ADCY3: variants seen among roughly 807,000 people sequenced by gnomAD.
ADCY3 encodes the protein adenylate cyclase type 3.
In ADCY3, 70 loss-of-function variants were observed where a neutral mutation model predicts 119.4. The ratio of observed to expected loss-of-function variants is 0.59; its 90% CI spans 0.48 to 0.72. ADCY3 has a LOEUF of 0.72. Among genes scored for constraint, ADCY3 ranks in the 30% least tolerant of loss-of-function variants. ADCY3 has a pLI of 0.00. For synonymous variants in ADCY3, 672 were observed against 621.4 expected (o/e 1.08, Z -1.21); for missense variants, 1,238 against 1,541.6 (o/e 0.80, Z 3.30).
chr2:24,881,719 T>A (rs1346427873), intron 2 of ADCY3, among the ~76,000 whole-genome samples: 1 of 152,208 alleles, frequency 6.6e-6, no homozygotes, highest in South Asian at 2.1e-4. Context: ...TCCACTGAAG[T>A]GTTCCCCCTT....
At chr2:24,915,270 G>C (rs1445983083) in intron 2 of ADCY3, among the ~76,000 whole-genome samples, 1 of 152,222 alleles carries the variant, frequency 6.6e-6, no homozygotes, top group Non-Finnish European at 1.5e-5. Flanking sequence ...GGATGGGAGA[G>C]AGAAAGACAA....
At chr2:24,855,191 C>A (rs1379773528) in intron 3 of ADCY3, among the ~76,000 whole-genome samples, 1 of 74,524 alleles carries the variant, frequency 1.3e-5, no homozygotes, top group Non-Finnish European at 2.8e-5. Context: ...AGCCCCAGGT[C>A]CCCCCCACCC....
chr2:24,842,823 AG>A lies in ADCY3; in HGVS notation c.826-440del, dbSNP rs1432463644. ...CCTGATCAAAGACTGACAGCAGACC[AG>A]GCACTACACGAGGCGCCAGCGACAC... On this transcript the variant is annotated intron_variant, in intron 3 of 21. Coordinates refer to ENST00000679454, the MANE Select transcript of ADCY3 (RefSeq NM_004036.5). The surrounding 1 kb of genome is among the most constrained non-coding windows in gnomAD (Gnocchi z 4.9). 2.0e-5 allele frequency among the ~76,000 whole-genome samples: 3 copies of A among 152,238 alleles called. No individual in the cohort carries two copies. The highest frequency in any genetic ancestry group is 2.0e-4 in the Admixed American group (3 of 15,288).
At chr2:24,904,961 C>A (rs1303769413) in intron 2 of ADCY3, among the ~76,000 whole-genome samples, 4 of 151,866 alleles carry the variant, frequency 2.6e-5, no homozygotes, top group African/African-American at 9.7e-5. Context: ...ATTTTGCCTC[C>A]TATGCGCCAT....
chr2:24,906,871 C>T (rs1371944102), intron 2 of ADCY3, among the ~76,000 whole-genome samples: 2 of 152,158 alleles, frequency 1.3e-5, no homozygotes, highest in Non-Finnish European at 2.9e-5. Flanking sequence ...TGGCTCACGC[C>T]TATAATCTCA....
intron 16 of ADCY3, among the ~76,000 whole-genome samples, chr2:24,825,013 A>T (rs1196904910): frequency 2.0e-5 from 3 of 152,202 alleles, no homozygotes; most frequent in Non-Finnish European, 4.4e-5. Flanking sequence ...AAGGCCACCC[A>T]ATAGTGGTGC....
chr2:24,908,510 T>C (rs1041154717), intron 2 of ADCY3, among the ~76,000 whole-genome samples: 1 of 152,226 alleles, frequency 6.6e-6, no homozygotes, highest in Non-Finnish European at 1.5e-5. Flanking sequence ...AAACTTGGTC[T>C]GATTCATTCA....
In ADCY3 at chr2:24,819,628, C is replaced by A; in HGVS notation, c.*304G>T. Reference sequence around the variant, plus strand: ...CAAAGGCAGCTTTGTCCCAGCTCTGCCACCCTCCTGCTCACAGTGGTCAGG... The same window carrying A: ...CAAAGGCAGCTTTGTCCCAGCTCTGACACCCTCCTGCTCACAGTGGTCAGG... On this transcript the variant is annotated 3_prime_UTR_variant, in exon 22 of 22. Coordinates refer to ENST00000679454, the MANE Select transcript of ADCY3 (RefSeq NM_004036.5). 1 of 257,214 alleles carries A rather than the reference C, an allele frequency of 3.9e-6. No homozygotes were observed. The highest frequency in any genetic ancestry group is 9.9e-5 in the South Asian group (1 of 10,058). The allele number at this position is 257,214 out of a possible 1,614,324, so 15.9% of individuals were successfully genotyped here. A position where few individuals can be genotyped will look rare whatever the true frequency, so the allele number is the denominator to read the frequency against.
At chr2:24,888,485 C>T (rs1677321694) in intron 2 of ADCY3, among the ~76,000 whole-genome samples, 1 of 152,232 alleles carries the variant, frequency 6.6e-6, no homozygotes, top group South Asian at 2.1e-4. Flanking sequence ...CTGGGGACAC[C>T]AATTAACCTT....
At position 24,899,971 on chromosome 2, in the gene ADCY3, C is replaced by G. The variant is rs4077678; in HGVS notation, c.675+18342G>C. ...AAAACTGATATTCGTTTAAGAGAAG[C>G]CTCAATGTTAATAGCAGTTATCCTT... On this transcript the variant is annotated intron_variant, in intron 2 of 21. Coordinates refer to ENST00000679454, the MANE Select transcript of ADCY3 (RefSeq NM_004036.5). The surrounding 1 kb of genome is among the most constrained non-coding windows in gnomAD (Gnocchi z 4.5). Among the ~76,000 whole-genome samples, 82,190 of 151,824 alleles carry G rather than the reference C, an allele frequency of 0.54. 25,182 individuals are homozygous for G. Among genetic ancestry groups the G allele is most frequent in the African/African-American group, 0.85 (35,294 of 41,452 alleles).
intron 2 of ADCY3, among the ~76,000 whole-genome samples, chr2:24,910,472 T>G (rs1195415434): frequency 1.3e-5 from 2 of 152,188 alleles, no homozygotes; most frequent in Non-Finnish European, 2.9e-5. Flanking sequence ...AGTGGATAAC[T>G]AAAACACATG....
chr2:24,830,660 C>A, intron 13 of ADCY3, 49 bp downstream of exon 13: 1 of 1,459,088 alleles, frequency 6.9e-7, no homozygotes, highest in Non-Finnish European at 9.5e-7. Context: ...AGAAGCCCTT[C>A]TCCACTGAGA....
chr2:24,878,116 A>T lies in ADCY3; in HGVS notation c.676-5397T>A. 3.7e-6 allele frequency: 1 copy of T among 271,042 alleles called. No homozygotes were observed. Among genetic ancestry groups the T allele is most frequent in the Non-Finnish European group, 7.7e-6 (1 of 129,670 alleles). 16.8% of individuals were successfully genotyped at this position (271,042 alleles called of 1,614,324 possible). ...TTTCCTGGAAATAACTTATTTCAAA[A>T]GAATTGTTCTGCTTTTTTAAAATAT... On this transcript the variant is annotated intron_variant, in intron 2 of 21. Coordinates refer to ENST00000679454, the MANE Select transcript of ADCY3 (RefSeq NM_004036.5). This position sits in a 1 kb window ranked among gnomAD's most constrained non-coding sequence, Gnocchi z 4.0.
intron 9 of ADCY3, among the ~76,000 whole-genome samples, chr2:24,835,392 T>C (rs1030545073): frequency 6.6e-6 from 1 of 152,142 alleles, no homozygotes; most frequent in Non-Finnish European, 1.5e-5. Context: ...TCTGGCTCAT[T>C]TGGAAAGGAA....
chr2:24,856,446 G>C (rs1371743737), intron 3 of ADCY3, among the ~76,000 whole-genome samples: 1 of 152,148 alleles, frequency 6.6e-6, no homozygotes, highest in Non-Finnish European at 1.5e-5. Context: ...CAGATTCTTA[G>C]AGTGTCCAGC....
In ADCY3 at chr2:24,841,546, AG is replaced by A; in HGVS notation, c.1068+9del. 1 of 1,610,832 alleles carries A rather than the reference AG, an allele frequency of 6.2e-7. No homozygotes were observed. The highest frequency in any genetic ancestry group is 8.5e-7 in the Non-Finnish European group (1 of 1,178,706). On this transcript the variant is annotated intron_variant, in intron 5 of 21. Coordinates refer to ENST00000679454, the MANE Select transcript of ADCY3 (RefSeq NM_004036.5). The surrounding 1 kb of genome is among the most constrained non-coding windows in gnomAD (Gnocchi z 5.8). The stretch of plus-strand genomic sequence containing the variant: ...CCCCGCTGGAGAGCCAGGCGGGGCC[AG>A]GGACTTACAGCTGCCAGCTTGTCAA...
intron 3 of ADCY3, among the ~76,000 whole-genome samples, chr2:24,853,019 T>G (rs1023277802): frequency 2.8e-5 from 1 of 35,862 alleles, no homozygotes; most frequent in African/African-American, 3.1e-4. Flanking sequence ...TGTGTGTGTG[T>G]GTGTGTGTGT....
intron 3 of ADCY3, among the ~76,000 whole-genome samples, chr2:24,861,358 T>C (rs1376586203): frequency 6.6e-6 from 1 of 152,060 alleles, no homozygotes; most frequent in Non-Finnish European, 1.5e-5. Context: ...GAGGGTAGAT[T>C]AACGATTGTT....
intron 3 of ADCY3, among the ~76,000 whole-genome samples, chr2:24,848,777 G>T (rs148169885): frequency 6.6e-6 from 1 of 152,202 alleles, no homozygotes; most frequent in African/African-American, 2.4e-5. Context: ...AAAAAGACAG[G>T]GCTTAATGTT....
Sources: allele counts gnomAD v4.1 joint callset (sites outside exome capture counted in the v4.1 genomes callset), GRCh38; gene constraint gnomAD v4.1.1; non-coding constraint Gnocchi (gnomAD v3.1); transcripts MANE v1.5; gene names NCBI Gene and HGNC (gene_info 2026-07-23, HGNC 2026-07-21).